KLF8: variants seen among roughly 807,000 people sequenced by gnomAD.
The protein encoded by KLF8 is KLF transcription factor 8.
In KLF8, 10 loss-of-function variants were observed where a neutral mutation model predicts 18.2. That is an observed-to-expected ratio of 0.55 (90% CI 0.34 to 0.93). The LOEUF (loss-of-function observed/expected upper bound fraction) is 0.93. Among genes scored for constraint, KLF8 ranks in the 40% least tolerant of loss-of-function variants. The pLI, the probability that KLF8 is intolerant of heterozygous loss-of-function variation, is 0.02. For missense variants in KLF8, 264 were observed against 277.9 expected (o/e 0.95, Z 0.36); for synonymous variants, 109 against 97.3 (o/e 1.12, Z -0.71).
the KLF8 span, among the ~76,000 whole-genome samples, chrX:56,087,028 A>C: frequency 9.0e-6 from 1 of 111,614 alleles, no homozygotes; most frequent in South Asian, 3.8e-4. Flanking sequence ...AACTAGAAGG[A>C]ATAAGCTGTT....
chrX:55,923,679 T>C, the KLF8 span, among the ~76,000 whole-genome samples: 1 of 110,098 alleles, frequency 9.1e-6, no homozygotes, highest in African/African-American at 3.3e-5. Context: ...TGGGTCACAA[T>C]TTAACCCATA....
At chrX:55,913,056 T>C in the KLF8 span, among the ~76,000 whole-genome samples, 9 of 111,948 alleles carry the variant, frequency 8.0e-5, no homozygotes, top group Admixed American at 2.9e-4. Flanking sequence ...CTTCTCTAAA[T>C]CTTTCTTTGA....
chrX:56,067,028 C>A, the KLF8 span, among the ~76,000 whole-genome samples: 1 of 109,702 alleles, frequency 9.1e-6, no homozygotes, highest in South Asian at 4.1e-4. Context: ...TCTGACCAAG[C>A]AGACTACCTT....
At chrX:56,111,747 G>A in the KLF8 span, among the ~76,000 whole-genome samples, 101 of 111,922 alleles carry the variant, frequency 9.0e-4, no homozygotes, top group African/African-American at 3.0e-3. Flanking sequence ...ATCATCACTC[G>A]CCATTAGAGA....
chrX:56,095,773 A>G, the KLF8 span, among the ~76,000 whole-genome samples: 1 of 111,446 alleles, frequency 9.0e-6, no homozygotes, highest in African/African-American at 3.3e-5. Flanking sequence ...ACCAATCAGG[A>G]TGGCTATCAT....
chrX:55,944,159 C>A, the KLF8 span, among the ~76,000 whole-genome samples: 2 of 109,610 alleles, frequency 1.8e-5, no homozygotes, highest in Non-Finnish European at 3.8e-5. Flanking sequence ...ATTGAACCAG[C>A]CTTGCATCCC....
chrX:56,190,032 T>TA, the KLF8 span, among the ~76,000 whole-genome samples: 1 of 108,235 alleles, frequency 9.2e-6, no homozygotes, highest in Non-Finnish European at 1.9e-5. Context: ...ATAATAAAAT[T>TA]AAAAAAATAA....
chrX:56,052,516 G>A, the KLF8 span, among the ~76,000 whole-genome samples: 2 of 111,713 alleles, frequency 1.8e-5, no homozygotes, highest in Middle Eastern at 9.3e-3. Context: ...ATGTCTGTTG[G>A]AATACCTGCC....
the KLF8 span, among the ~76,000 whole-genome samples, chrX:56,031,445 ATTC>A: frequency 8.9e-6 from 1 of 112,138 alleles, no homozygotes; most frequent in African/African-American, 3.2e-5. Flanking sequence ...TTCAAAGACT[ATTC>A]TTACCAAGTT....
At chrX:55,929,083 A>G in the KLF8 span, among the ~76,000 whole-genome samples, 2 of 112,455 alleles carry the variant, frequency 1.8e-5, no homozygotes, top group African/African-American at 6.5e-5. Context: ...GTGAGATGGT[A>G]TCTCATTGTG....
the KLF8 span, among the ~76,000 whole-genome samples, chrX:55,912,159 C>T: frequency 9.0e-6 from 1 of 111,287 alleles, no homozygotes; most frequent in Non-Finnish European, 1.9e-5. Flanking sequence ...CAGGCCCTAC[C>T]CCAGACATAC....
At chrX:56,191,297 T>A in the KLF8 span, among the ~76,000 whole-genome samples, 1 of 111,457 alleles carries the variant, frequency 9.0e-6, no homozygotes. Flanking sequence ...AAACAGGTAA[T>A]GAGATTGAAG....
At chrX:56,227,917 A>ACACC (rs2066380120), upstream of KLF8, among the ~76,000 whole-genome samples, 2 of 95,397 alleles carry the variant, frequency 2.1e-5, no homozygotes, top group African/African-American at 7.5e-5. Flanking sequence ...ACACACACAC[A>ACACC]CCTAGTCAAG....
At chrX:56,162,429 TC>T in the KLF8 span, among the ~76,000 whole-genome samples, 15 of 111,928 alleles carry the variant, frequency 1.3e-4, no homozygotes, top group African/African-American at 4.9e-4. Context: ...AGTTCGAGTT[TC>T]CCAGCTGCTT....
chrX:56,156,274 G>C, the KLF8 span, among the ~76,000 whole-genome samples: 1 of 111,607 alleles, frequency 9.0e-6, no homozygotes, highest in Non-Finnish European at 1.9e-5. Context: ...ACAAGTGCAG[G>C]TTTGTTACAT....
At chrX:55,921,346 T>C in the KLF8 span, among the ~76,000 whole-genome samples, 1 of 111,889 alleles carries the variant, frequency 8.9e-6, no homozygotes, top group Non-Finnish European at 1.9e-5. Flanking sequence ...GATAAGATGG[T>C]TGTAGATGTG....
At chrX:56,013,594 C>A in the KLF8 span, among the ~76,000 whole-genome samples, 1 of 111,268 alleles carries the variant, frequency 9.0e-6, no homozygotes, top group Admixed American at 9.5e-5. Context: ...TTGGGAGGGA[C>A]CAGGTGGAGA....
chrX:56,012,773 G>A, the KLF8 span, among the ~76,000 whole-genome samples: 2 of 110,935 alleles, frequency 1.8e-5, no homozygotes, highest in South Asian at 7.7e-4. Flanking sequence ...CATGAAAATG[G>A]CCATACTGCC....
At chrX:55,918,824 T>G in the KLF8 span, among the ~76,000 whole-genome samples, 2 of 111,845 alleles carry the variant, frequency 1.8e-5, no homozygotes, top group Admixed American at 1.9e-4. Context: ...TAGGGCCACC[T>G]TAATGATTTC....
Sources: allele counts gnomAD v4.1 joint callset (sites outside exome capture counted in the v4.1 genomes callset), GRCh38; gene constraint gnomAD v4.1.1; transcripts MANE v1.5; gene names NCBI Gene and HGNC (gene_info 2026-07-23, HGNC 2026-07-21).